BCAR3: variants seen among roughly 807,000 people sequenced by gnomAD.
The protein encoded by BCAR3 is BCAR3 adaptor protein, NSP family member.
Under a neutral mutation model 80.1 loss-of-function variants are expected in BCAR3, and 37 were observed. The ratio of observed to expected loss-of-function variants is 0.46; its 90% confidence interval spans 0.36 to 0.61. The LOEUF (loss-of-function observed/expected upper bound fraction) is 0.61. Ranked by LOEUF, BCAR3 falls within the 20% of genes least tolerant of loss-of-function variation. BCAR3 has a pLI of 0.00. For synonymous variants in BCAR3, 389 were observed against 418.9 expected, an observed-to-expected ratio of 0.93 and a Z score of 0.87; for missense variants, 978 against 1,068.2, an observed-to-expected ratio of 0.92 and a Z score of 1.18.
chr1:93,687,929 G>A (rs1571045721), intron 3 of BCAR3, among the ~76,000 whole-genome samples: 1 of 152,304 alleles, frequency 6.6e-6, no homozygotes, highest in East Asian at 1.9e-4. Flanking sequence ...AATCAGAAAA[G>A]CTGAACTTGA....
chr1:93,836,556 C>A (rs898494936), intron 2 of BCAR3, among the ~76,000 whole-genome samples: 1 of 152,122 alleles, frequency 6.6e-6, no homozygotes, highest in African/African-American at 2.4e-5. Flanking sequence ...ACCCCTAATC[C>A]CGCTTGAAGC....
At chr1:93,804,903 G>T (rs532512503) in intron 2 of BCAR3, among the ~76,000 whole-genome samples, 1 of 152,126 alleles carries the variant, frequency 6.6e-6, no homozygotes, top group African/African-American at 2.4e-5. Context: ...TATGTTTCAC[G>T]TCTTTTGGGT....
At chr1:93,763,945 T>G (rs966033246) in intron 2 of BCAR3, among the ~76,000 whole-genome samples, 1 of 152,126 alleles carries the variant, frequency 6.6e-6, no homozygotes, top group Non-Finnish European at 1.5e-5. Context: ...ACTGATGGGA[T>G]CCAGCTCTGT....
chr1:93,593,846 G>T (rs1394926146), intron 3 of BCAR3, among the ~76,000 whole-genome samples: 1 of 151,932 alleles, frequency 6.6e-6, no homozygotes, highest in African/African-American at 2.4e-5. Context: ...AGTAACTCAG[G>T]GGCTGATTTT....
chr1:93,759,863 C>G (rs997691814), intron 2 of BCAR3, among the ~76,000 whole-genome samples: 1 of 152,138 alleles, frequency 6.6e-6, no homozygotes, highest in Non-Finnish European at 1.5e-5. Context: ...CCATGGTCCA[C>G]GTGGACCATC....
chr1:93,700,625 A>G (rs1270121764), intron 3 of BCAR3, among the ~76,000 whole-genome samples: 1 of 152,090 alleles, frequency 6.6e-6, no homozygotes. Flanking sequence ...AGATGGATAC[A>G]AACAGAAGCC....
intron 2 of BCAR3, among the ~76,000 whole-genome samples, chr1:93,827,078 T>C (rs1390540603): frequency 6.6e-6 from 1 of 152,042 alleles, no homozygotes; most frequent in African/African-American, 2.4e-5. Flanking sequence ...CCCCTCAGAG[T>C]GCCAGGGCCA....
At chr1:93,834,505 A>G (rs1654693778) in intron 2 of BCAR3, among the ~76,000 whole-genome samples, 1 of 152,120 alleles carries the variant, frequency 6.6e-6, no homozygotes, top group Admixed American at 6.5e-5. Context: ...AACCTTTTTC[A>G]TTACACACAG....
At chr1:93,730,550 A>G (rs1459824196) in intron 2 of BCAR3, among the ~76,000 whole-genome samples, 1 of 152,212 alleles carries the variant, frequency 6.6e-6, no homozygotes, top group African/African-American at 2.4e-5. Flanking sequence ...GTTTATACAC[A>G]TACGTCCTGT....
At chr1:93,802,594 T>A (rs769865646) in intron 2 of BCAR3, among the ~76,000 whole-genome samples, 5 of 152,208 alleles carry the variant, frequency 3.3e-5, no homozygotes, top group Non-Finnish European at 7.3e-5. Flanking sequence ...CTCTAATGCA[T>A]GCTGTCAAAA....
chr1:93,834,026 C>T (rs1363034402), intron 2 of BCAR3, among the ~76,000 whole-genome samples: 1 of 152,146 alleles, frequency 6.6e-6, no homozygotes, highest in Non-Finnish European at 1.5e-5. Flanking sequence ...TAACAAATGT[C>T]CATGAAATCT....
chr1:93,729,428 C>T (rs761428335), intron 2 of BCAR3, among the ~76,000 whole-genome samples: 16 of 152,102 alleles, frequency 1.1e-4, no homozygotes, highest in South Asian at 2.1e-4. Flanking sequence ...ACTGGAATTA[C>T]GGGTTCTACT....
chr1:93,777,028 CAGAT>C (rs575147126), intron 2 of BCAR3, among the ~76,000 whole-genome samples: 340 of 152,194 alleles, frequency 2.2e-3, no homozygotes, highest in Non-Finnish European at 4.2e-3. Context: ...AATTTGAACA[CAGAT>C]AGACACAGGG....
rs374087461 is a variant in BCAR3, at chr1:93,732,991, G to A, written c.-62-26849C>T. On this transcript the variant is annotated intron_variant, in intron 2 of 13. Transcript: ENST00000370244. ...TTGCACTGCATTCAAACTATTAATG[G>A]AGTTAATATCTGAGTCCCCCAGCAA... 3.9e-5 allele frequency among the ~76,000 whole-genome samples: 6 copies of A among 152,306 alleles called. No homozygotes were observed. The South Asian group carries it at 8.3e-4, about 21-fold the overall frequency.
At chr1:93,803,501 C>T (rs1653557837) in intron 2 of BCAR3, among the ~76,000 whole-genome samples, 1 of 152,042 alleles carries the variant, frequency 6.6e-6, no homozygotes, top group Non-Finnish European at 1.5e-5. Context: ...AGACCTCTAC[C>T]AGAAAAAGAG....
intron 3 of BCAR3, among the ~76,000 whole-genome samples, chr1:93,620,842 C>T (rs59177733): frequency 6.6e-6 from 1 of 152,302 alleles, no homozygotes; most frequent in African/African-American, 2.4e-5. Context: ...ATGTTGTGAC[C>T]CCTCTGCCCT....
intron 2 of BCAR3, among the ~76,000 whole-genome samples, chr1:93,787,504 G>A (rs936985773): frequency 6.6e-6 from 1 of 152,156 alleles, no homozygotes; most frequent in Non-Finnish European, 1.5e-5. Flanking sequence ...GTTTTGATAA[G>A]TTGTGTCACT....
intron 8 of BCAR3, among the ~76,000 whole-genome samples, chr1:93,573,609 T>TTTTTTATTACTATTATTA (rs760911546): frequency 7.0e-6 from 1 of 142,812 alleles, no homozygotes; most frequent in African/African-American, 2.7e-5. Flanking sequence ...AAAATATATT[T>TTTTTTATTACTATTATTA]TTATTATTAT....
intron 2 of BCAR3, among the ~76,000 whole-genome samples, chr1:93,726,379 C>T (rs546630018): frequency 6.6e-6 from 1 of 152,216 alleles, no homozygotes; most frequent in Non-Finnish European, 1.5e-5. Flanking sequence ...GGCCTATTAG[C>T]TATTCTTAAT....
Sources: gnomAD v4.1 joint callset for allele counts (sites outside exome capture counted in the v4.1 genomes callset) on GRCh38, gnomAD v4.1.1 for gene constraint, MANE v1.5 for transcripts, NCBI Gene and HGNC (gene_info 2026-07-23, HGNC 2026-07-21) for gene names.